ZNF138: variants seen among roughly 807,000 people sequenced by gnomAD.
ZNF138 encodes zinc finger protein 138 (clone pHZ-32).
In ZNF138, 33 loss-of-function variants were observed where a neutral mutation model predicts 33.0. The observed-to-expected ratio is 1.00, with a 90% CI of 0.76 to 1.34. The LOEUF (loss-of-function observed/expected upper bound fraction) is 1.34, where lower values mean the gene tolerates loss of function less well. Ranked by LOEUF, ZNF138 falls within the 40% of genes most tolerant of loss-of-function variation. The pLI is 0.00. For missense variants in ZNF138, 360 were observed against 370.8 expected (o/e 0.97, Z 0.24); for synonymous variants, 139 against 120.4 (o/e 1.15, Z -1.01).
chr7:64,857,977 A>T, the ZNF138 span, among the ~76,000 whole-genome samples: 1 of 152,258 alleles, frequency 6.6e-6, no homozygotes. Flanking sequence ...TTAGTATGAG[A>T]TCATAATATT....
At chr7:64,818,360 T>A (rs761599485) in intron 3 of ZNF138, among the ~76,000 whole-genome samples, 28 of 152,168 alleles carry the variant, frequency 1.8e-4, no homozygotes, top group Non-Finnish European at 3.4e-4. Flanking sequence ...TATTTAGCAA[T>A]GTAAGGGTGT....
At chr7:64,839,364 C>A in the ZNF138 span, among the ~76,000 whole-genome samples, 1 of 152,184 alleles carries the variant, frequency 6.6e-6, no homozygotes. Flanking sequence ...CCCTTTATGG[C>A]AGCCGTCTGA....
At chr7:64,812,850 C>CTTTTTTTTTTTTTT (rs34197599) in intron 1 of ZNF138, among the ~76,000 whole-genome samples, 1 of 142,074 alleles carries the variant, frequency 7.0e-6, no homozygotes. Context: ...AAAAAATTGC[C>CTTTTTTTTTTTTTT]TTTTTTTTTT....
At chr7:64,831,362 A>G in intron 3 of ZNF138, 89 bp from the exon 4 acceptor site, 1 of 1,204,848 alleles carries the variant, frequency 8.3e-7, no homozygotes, top group Non-Finnish European at 1.2e-6. Context: ...TTGCTTATGT[A>G]GTTTGTATGA....
In ZNF138 at chr7:64,833,092, T is replaced by C; in HGVS notation, c.*890T>C. The C allele has an allele frequency of 3.5e-6, 1 of 288,480 alleles. No homozygotes were observed. Among genetic ancestry groups the C allele is most frequent in the South Asian group, 3.5e-5 (1 of 28,224 alleles). 17.9% of individuals were successfully genotyped at this position (288,480 alleles called of 1,614,324 possible). A position where few individuals can be genotyped will look rare whatever the true frequency, so the allele number is the denominator to read the frequency against. On this transcript the variant is annotated 3_prime_UTR_variant, in exon 4 of 4. Coordinates refer to ENST00000307355, the MANE Select transcript of ZNF138 (RefSeq NM_001271639.2). ...TATACTGGAGCAAAACCTTGGAAATTCAAAGAATGTGGTAAAACTTACAAT... is the reference window on the plus strand; with the variant it reads ...TATACTGGAGCAAAACCTTGGAAATCCAAAGAATGTGGTAAAACTTACAAT...
chr7:64,851,115 ACT>A, the ZNF138 span, among the ~76,000 whole-genome samples: 2 of 152,150 alleles, frequency 1.3e-5, no homozygotes, highest in East Asian at 3.9e-4. Flanking sequence ...CTTGAAATTT[ACT>A]CTTAGTTATT....
chr7:64,812,943 C>T (rs562804116), intron 1 of ZNF138, among the ~76,000 whole-genome samples: 1 of 149,450 alleles, frequency 6.7e-6, no homozygotes, highest in African/African-American at 2.5e-5. Flanking sequence ...ACCTGTAAAC[C>T]TTTACTTCTC....
chr7:64,803,252 G>A (rs529396893), intron 1 of ZNF138, among the ~76,000 whole-genome samples: 13 of 140,246 alleles, frequency 9.3e-5, no homozygotes, highest in Middle Eastern at 4.0e-3. Flanking sequence ...TTTTGCTTTG[G>A]CAAAGGTTTT....
downstream of ZNF138, among the ~76,000 whole-genome samples, chr7:64,834,917 G>T (rs1040592145): frequency 3.9e-5 from 6 of 152,204 alleles, no homozygotes; most frequent in African/African-American, 1.4e-4. Flanking sequence ...GAAGGGCACC[G>T]TGGATCAATA....
In ZNF138 at chr7:64,825,633, G is replaced by A. The variant is rs1352191737; in HGVS notation, c.209-5818G>A. On this transcript the variant is annotated intron_variant, in intron 3 of 3. Coordinates refer to ENST00000307355, the MANE Select transcript of ZNF138 (RefSeq NM_001271639.2). ...CGGTTCACTGCAACCTCTGCTTCCC[G>A]GGTTCAAGCGATTCCCCTGCCTCAG... is the stretch of plus-strand genomic sequence containing the variant. 2.7e-5 allele frequency among the ~76,000 whole-genome samples: 4 copies of A among 150,430 alleles called. No individual in the cohort carries two copies. The East Asian group carries it at 5.9e-4, about 22-fold the overall frequency.
chr7:64,852,352 G>A, the ZNF138 span: 15 of 1,209,438 alleles, frequency 1.2e-5, 1 homozygote, highest in Admixed American at 2.2e-4. Context: ...AAAGGAAATA[G>A]ATCTATTTAA....
chr7:64,817,309 T>C (rs1471495376), intron 3 of ZNF138, among the ~76,000 whole-genome samples: 3 of 147,306 alleles, frequency 2.0e-5, no homozygotes, highest in Admixed American at 6.8e-5. Context: ...CAGACTGTGA[T>C]TGGGAGGAGT....
At chr7:64,819,600 C>T (rs1788947981) in intron 3 of ZNF138, among the ~76,000 whole-genome samples, 1 of 152,122 alleles carries the variant, frequency 6.6e-6, no homozygotes, top group Non-Finnish European at 1.5e-5. Context: ...AACTCCTCAG[C>T]TCAGGCAATC....
chr7:64,802,094 A>G lies in ZNF138; in HGVS notation c.3+7523A>G, dbSNP rs547793420. ...TATTTTAGGGAGACATGAGACATCA[A>G]TGAAATACATTTAAGAAATACATGG... On this transcript the variant is annotated intron_variant, in intron 1 of 3. Transcript: ENST00000307355. Among the ~76,000 whole-genome samples the G allele has an allele frequency of 4.6e-5, 7 of 152,326 alleles. No individual in the cohort carries two copies. In the East Asian group the frequency reaches 1.2e-3, roughly 25 times the overall value.
chr7:64,841,637 T>G, the ZNF138 span, among the ~76,000 whole-genome samples: 4 of 152,168 alleles, frequency 2.6e-5, no homozygotes, highest in African/African-American at 9.6e-5. Flanking sequence ...CCTAATTATC[T>G]TTAGTTTTGT....
chr7:64,806,169 C>A (rs146006761), intron 1 of ZNF138, among the ~76,000 whole-genome samples: 76 of 152,150 alleles, frequency 5.0e-4, no homozygotes, highest in Non-Finnish European at 2.2e-4. Flanking sequence ...TCTAGAGGGG[C>A]CTTTCTCAGG....
At chr7:64,828,783 CT>C (rs61637664) in intron 3 of ZNF138, among the ~76,000 whole-genome samples, 146,283 of 148,842 alleles carry the variant, frequency 0.98, 71,918 homozygotes, top group East Asian at 1. Flanking sequence ...GACATTGTTC[CT>C]TTTTTTTTTT....
At position 64,801,211 on chromosome 7, in the gene ZNF138, G is replaced by T. The variant is rs556939214; in HGVS notation, c.3+6640G>T. Among the ~76,000 whole-genome samples the T allele has an allele frequency of 9.2e-5, 14 of 152,088 alleles. 1 individual carries two copies. In the East Asian group the frequency reaches 2.5e-3, roughly 27 times the overall value. On this transcript the variant is annotated intron_variant, in intron 1 of 3. Transcript: ENST00000307355. The stretch of plus-strand genomic sequence containing the variant: ...TTTTTTGCCTTCTGCTAGCTTAGGG[G>T]TTTGTTTCCCCTTGCTTCTCTCCTT...
chr7:64,839,819 G>C, the ZNF138 span, among the ~76,000 whole-genome samples: 1 of 152,134 alleles, frequency 6.6e-6, no homozygotes, highest in Admixed American at 6.5e-5. Context: ...CCAATGAAAG[G>C]CAATGGAAGG....
Sources: gnomAD v4.1 joint callset for allele counts (sites outside exome capture counted in the v4.1 genomes callset) on GRCh38, gnomAD v4.1.1 for gene constraint, MANE v1.5 for transcripts, NCBI Gene and HGNC (gene_info 2026-07-23, HGNC 2026-07-21) for gene names.